SGCD: variants seen among roughly 807,000 people sequenced by gnomAD.
The protein encoded by SGCD is delta-sarcoglycan.
In SGCD, 18 loss-of-function variants were observed where a neutral mutation model predicts 36.6. The observed-to-expected ratio is 0.49, with a 90% CI of 0.34 to 0.73. The LOEUF (loss-of-function observed/expected upper bound fraction) is 0.73. SGCD is among the 30% of genes least tolerant of loss of function. The pLI, the probability that SGCD is intolerant of heterozygous loss-of-function variation, is 0.01. For synonymous variants in SGCD, 133 were observed against 130.6 expected (o/e 1.02, Z -0.12); for missense variants, 387 against 346.7 (o/e 1.12, Z -0.92).
the SGCD span, among the ~76,000 whole-genome samples, chr5:155,812,575 G>A: frequency 6.6e-6 from 1 of 152,210 alleles, no homozygotes; most frequent in South Asian, 2.1e-4. Context: ...TCTGCCTTCA[G>A]CATGTCAATA....
intron 1 of SGCD, among the ~76,000 whole-genome samples, chr5:155,919,874 AC>A (rs1256815425): frequency 6.6e-6 from 1 of 151,958 alleles, no homozygotes; most frequent in Non-Finnish European, 1.5e-5. Flanking sequence ...AAACAGAAAG[AC>A]CCCCTGTCTT....
intron 3 of SGCD, among the ~76,000 whole-genome samples, chr5:156,321,427 A>G (rs1327193742): frequency 7.5e-6 from 1 of 132,894 alleles, no homozygotes; most frequent in Non-Finnish European, 1.6e-5. Flanking sequence ...CTGAAAATAA[A>G]TAAACAAATA....
At chr5:156,475,016 AT>A (rs1755120194) in intron 3 of SGCD, among the ~76,000 whole-genome samples, 1 of 152,248 alleles carries the variant, frequency 6.6e-6, no homozygotes, top group African/African-American at 2.4e-5. Flanking sequence ...TGACTGGCAT[AT>A]AATAAGCATT....
intron 3 of SGCD, among the ~76,000 whole-genome samples, chr5:156,164,522 A>C (rs976841373): frequency 6.6e-6 from 1 of 152,038 alleles, no homozygotes; most frequent in African/African-American, 2.4e-5. Context: ...ATTCCTGTCT[A>C]TTTCCAGTCT....
At chr5:156,153,081 G>T (rs191660748) in intron 3 of SGCD, among the ~76,000 whole-genome samples, 1 of 151,726 alleles carries the variant, frequency 6.6e-6, no homozygotes. Context: ...TCTCTTAGGT[G>T]ATCATAGCTA....
chr5:155,945,240 C>T (rs1224364059), intron 1 of SGCD, among the ~76,000 whole-genome samples: 4 of 152,018 alleles, frequency 2.6e-5, no homozygotes, highest in African/African-American at 9.7e-5. Context: ...TTGGAGTAGA[C>T]ATTCAGTAAA....
At chr5:156,323,674 G>A (rs1179022180), upstream of SGCD, among the ~76,000 whole-genome samples, 2 of 152,156 alleles carry the variant, frequency 1.3e-5, no homozygotes, top group Non-Finnish European at 2.9e-5. Flanking sequence ...TCTGTGATTA[G>A]CAACCATAGA....
chr5:156,515,205 C>T (rs1293817771), intron 4 of SGCD, among the ~76,000 whole-genome samples: 1 of 147,480 alleles, frequency 6.8e-6, no homozygotes, highest in African/African-American at 2.5e-5. Flanking sequence ...GTCTAGCATT[C>T]TTGGCACAGT....
intron 4 of SGCD, among the ~76,000 whole-genome samples, chr5:156,512,690 A>G (rs1756996612): frequency 6.6e-6 from 1 of 152,230 alleles, no homozygotes; most frequent in African/African-American, 2.4e-5. Context: ...TGTTCACATG[A>G]AACCACCACA....
At chr5:156,229,297 T>TACATATATATATATATATATATAA in intron 3 of SGCD, among the ~76,000 whole-genome samples, 1 of 119,880 alleles carries the variant, frequency 8.3e-6, no homozygotes, top group Non-Finnish European at 1.7e-5. Flanking sequence ...TATATATATA[T>TACATATATATATATATATATATAA]ATAAAATTAG....
chr5:156,240,936 C>T (rs1765290172), intron 3 of SGCD, among the ~76,000 whole-genome samples: 1 of 152,130 alleles, frequency 6.6e-6, no homozygotes, highest in African/African-American at 2.4e-5. Context: ...ATAATTTGCT[C>T]TCAGATGAGA....
intron 1 of SGCD, among the ~76,000 whole-genome samples, chr5:155,924,512 G>A (rs1756954384): frequency 6.6e-6 from 1 of 152,204 alleles, no homozygotes; most frequent in Non-Finnish European, 1.5e-5. Context: ...TAAAGAGCAT[G>A]GCGTATAGTT....
intron 3 of SGCD, among the ~76,000 whole-genome samples, chr5:156,254,938 A>C (rs988325307): frequency 2.0e-5 from 3 of 152,194 alleles, no homozygotes; most frequent in African/African-American, 7.2e-5. Flanking sequence ...AAAATTTGAA[A>C]TCTGAAATGC....
At chr5:156,121,889 A>G (rs1381040159) in intron 2 of SGCD, among the ~76,000 whole-genome samples, 1 of 152,040 alleles carries the variant, frequency 6.6e-6, no homozygotes, top group East Asian at 1.9e-4. Flanking sequence ...GATGAAAGTA[A>G]CAATGAGATT....
intron 5 of SGCD, 49 bp from the exon 6 acceptor site, chr5:156,594,883 C>G: frequency 1.6e-6 from 2 of 1,226,396 alleles, no homozygotes; most frequent in Non-Finnish European, 2.4e-6. Flanking sequence ...TTTTCTCTCT[C>G]TCTCTCTCCT....
At chr5:155,891,245 A>G (rs1037847774) in intron 1 of SGCD, among the ~76,000 whole-genome samples, 2 of 152,150 alleles carry the variant, frequency 1.3e-5, no homozygotes, top group South Asian at 2.1e-4. Flanking sequence ...TTTCTCATAT[A>G]TGTGCCTTGT....
the SGCD span, among the ~76,000 whole-genome samples, chr5:155,772,181 TA>T: frequency 6.6e-6 from 1 of 152,040 alleles, no homozygotes; most frequent in Non-Finnish European, 1.5e-5. Context: ...CACCAGTGGA[TA>T]AATGGAAAGG....
intron 3 of SGCD, among the ~76,000 whole-genome samples, chr5:156,426,242 T>G (rs1041376285): frequency 1.8e-4 from 28 of 152,120 alleles, no homozygotes; most frequent in African/African-American, 6.8e-4. Context: ...GACTTTTTAA[T>G]TATGGTCTTA....
chr5:155,738,738 G>A, the SGCD span, among the ~76,000 whole-genome samples: 1 of 148,582 alleles, frequency 6.7e-6, no homozygotes, highest in Non-Finnish European at 1.5e-5. Context: ...GTGAGAGAGT[G>A]TGTGCATGTG....
Sources: gnomAD v4.1 joint callset for allele counts (sites outside exome capture counted in the v4.1 genomes callset) on GRCh38, gnomAD v4.1.1 for gene constraint, MANE v1.5 for transcripts, NCBI Gene and HGNC (gene_info 2026-07-23, HGNC 2026-07-21) for gene names.